Variants in TMEM132C observed in about 807,000 individuals in gnomAD.
TMEM132C encodes protein phosphatase 1, regulatory subunit 152.
In TMEM132C, 29 loss-of-function variants were observed where a neutral mutation model predicts 61.4. The ratio of observed to expected loss-of-function variants is 0.47; its 90% CI spans 0.35 to 0.64. The LOEUF is 0.64. TMEM132C is among the 30% of genes least tolerant of loss of function. TMEM132C has a pLI of 0.00. For missense variants in TMEM132C, 1,408 were observed against 1,476.9 expected, an observed-to-expected ratio of 0.95 and a Z score of 0.76; for synonymous variants, 656 against 633.1, an observed-to-expected ratio of 1.04 and a Z score of -0.54.
At chr12:128,438,013 A>G (rs887745760) in intron 2 of TMEM132C, 2 of 152,158 alleles carry the variant, frequency 1.3e-5, no homozygotes, top group Admixed American at 6.5e-5. Flanking sequence ...ATTATCTTCT[A>G]TGTTCAGGGG....
At chr12:128,693,237 G>A (rs1175491564) in intron 5 of TMEM132C, among the ~76,000 whole-genome samples, 1 of 152,164 alleles carries the variant, frequency 6.6e-6, no homozygotes, top group East Asian at 1.9e-4. Context: ...GGCACTACGG[G>A]CCCTTTGCAT....
At chr12:128,593,218 TTC>T (rs1026785383) in intron 3 of TMEM132C, among the ~76,000 whole-genome samples, 3 of 150,198 alleles carry the variant, frequency 2.0e-5, no homozygotes, top group African/African-American at 7.4e-5. Flanking sequence ...TCTTTCTTTC[TTC>T]TCTCTCTCTT....
At chr12:128,699,887 G>T (rs12829696) in intron 8 of TMEM132C, among the ~76,000 whole-genome samples, 22,991 of 152,182 alleles carry the variant, frequency 0.15, 2,095 homozygotes, top group Middle Eastern at 0.26. Flanking sequence ...TCCTCATCCA[G>T]CCCACAGCAC....
chr12:128,512,959 AG>A (rs1313294208), intron 2 of TMEM132C, among the ~76,000 whole-genome samples: 53 of 152,324 alleles, frequency 3.5e-4, no homozygotes, highest in African/African-American at 1.2e-3. Context: ...GATCTCAGCC[AG>A]GGGGTACAGC....
intron 2 of TMEM132C, among the ~76,000 whole-genome samples, chr12:128,449,105 C>G (rs1188545026): frequency 7.0e-6 from 1 of 141,874 alleles, no homozygotes; most frequent in Non-Finnish European, 1.5e-5. Flanking sequence ...CCACTGTACT[C>G]CAGCCTGGGA....
rs1954056715 is a variant in TMEM132C, at chr12:128,630,459, C to T, written c.1305+14124C>T. Reference sequence around the variant, plus strand: ...AGCTGGCTCCCAGGCTTCATCCAGGCATCTACTCAAATATCCCCTCCTCAC... The same window carrying T: ...AGCTGGCTCCCAGGCTTCATCCAGGTATCTACTCAAATATCCCCTCCTCAC... On this transcript the variant is annotated intron_variant, in intron 4 of 8. Transcript: ENST00000435159. This position sits in a 1 kb window ranked among gnomAD's most constrained non-coding sequence, Gnocchi z 4.3. Among the ~76,000 whole-genome samples the T allele has an allele frequency of 6.6e-6, 1 of 152,190 alleles. No homozygotes were observed. The highest frequency in any genetic ancestry group is 2.4e-5 in the African/African-American group (1 of 41,444).
rs114800029 is a variant in TMEM132C, at chr12:128,547,187, C to T, written c.1121+3084C>T. On this transcript the variant is annotated intron_variant, in intron 3 of 8. Coordinates refer to ENST00000435159, the MANE Select transcript of TMEM132C (RefSeq NM_001136103.3). ...TGCCAGCCAGGAGTGTGTATTCTTG[C>T]TTCAAGGTGAGGGTTGCGCAGTCAA... 3.7e-3 allele frequency among the ~76,000 whole-genome samples: 563 copies of T among 152,286 alleles called. 8 individuals carry two copies. Among genetic ancestry groups the T allele is most frequent in the African/African-American group, 0.013 (543 of 41,560 alleles).
intron 3 of TMEM132C, among the ~76,000 whole-genome samples, chr12:128,567,824 G>A (rs1032189017): frequency 1.3e-5 from 2 of 152,206 alleles, no homozygotes; most frequent in African/African-American, 2.4e-5. Flanking sequence ...AGTCTGATGT[G>A]AAGGTTCTAG....
intron 3 of TMEM132C, among the ~76,000 whole-genome samples, chr12:128,547,453 A>G (rs1461085065): frequency 2.0e-5 from 3 of 150,998 alleles, no homozygotes; most frequent in Non-Finnish European, 4.4e-5. Flanking sequence ...AGTCCCAGCT[A>G]CTCGGGAGGC....
At chr12:128,293,813 C>T (rs1211432542) in intron 1 of TMEM132C, among the ~76,000 whole-genome samples, 1 of 152,214 alleles carries the variant, frequency 6.6e-6, no homozygotes, top group South Asian at 2.1e-4. Context: ...CGCATCGTCT[C>T]TGTCACCTCC....
chr12:128,344,636 A>AT (rs1299909770), intron 1 of TMEM132C, among the ~76,000 whole-genome samples: 1 of 152,176 alleles, frequency 6.6e-6, no homozygotes, highest in African/African-American at 2.4e-5. Flanking sequence ...AACACTTGCT[A>AT]TTGCCCGTCT....
At chr12:128,511,417 G>C (rs1360842778) in intron 2 of TMEM132C, among the ~76,000 whole-genome samples, 1 of 152,222 alleles carries the variant, frequency 6.6e-6, no homozygotes, top group African/African-American at 2.4e-5. Flanking sequence ...AGGTTTGACA[G>C]TTCTCCATAG....
intron 3 of TMEM132C, among the ~76,000 whole-genome samples, chr12:128,595,040 A>C (rs1045040355): frequency 6.6e-6 from 1 of 152,342 alleles, no homozygotes; most frequent in Admixed American, 6.5e-5. Flanking sequence ...GCCGGCCAGC[A>C]TTCCCTTCTT....
intron 1 of TMEM132C, among the ~76,000 whole-genome samples, chr12:128,406,369 T>G (rs1051473076): frequency 3.3e-5 from 5 of 152,234 alleles, no homozygotes; most frequent in African/African-American, 1.2e-4. Flanking sequence ...AAGGGTACCC[T>G]GCTGGATAAA....
At position 128,630,906 on chromosome 12, in the gene TMEM132C, C is replaced by T. The variant is rs1329894020; in HGVS notation, c.1305+14571C>T. On this transcript the variant is annotated intron_variant, in intron 4 of 8. Coordinates refer to ENST00000435159, the MANE Select transcript of TMEM132C (RefSeq NM_001136103.3). The surrounding 1 kb of genome is among the most constrained non-coding windows in gnomAD (Gnocchi z 4.3). ...AATTAGTCGGGCATGGTGGTATGTG[C>T]CTGTATTCCCAGCTACTCAGGAGGC... Among the ~76,000 whole-genome samples the T allele has an allele frequency of 2.0e-5, 3 of 152,084 alleles. No individual in the cohort carries two copies. Among genetic ancestry groups the T allele is most frequent in the African/African-American group, 7.2e-5 (3 of 41,422 alleles).
intron 2 of TMEM132C, among the ~76,000 whole-genome samples, chr12:128,539,066 C>G (rs1231024500): frequency 6.6e-6 from 1 of 152,158 alleles, no homozygotes; most frequent in African/African-American, 2.4e-5. Flanking sequence ...TCAAGGAACA[C>G]TTATTGAACA....
At chr12:128,671,310 C>G (rs572355690) in intron 5 of TMEM132C, among the ~76,000 whole-genome samples, 1 of 152,166 alleles carries the variant, frequency 6.6e-6, no homozygotes, top group East Asian at 1.9e-4. Flanking sequence ...GGAGGAAGAA[C>G]TGCAATTCCT....
At chr12:128,507,294 A>C (rs1272801225) in intron 2 of TMEM132C, among the ~76,000 whole-genome samples, 23 of 151,214 alleles carry the variant, frequency 1.5e-4, no homozygotes, top group Non-Finnish European at 5.9e-5. Flanking sequence ...CCGTGCAGAG[A>C]GGGATGTGAT....
At chr12:128,449,365 C>T (rs768588344) in intron 2 of TMEM132C, among the ~76,000 whole-genome samples, 3 of 152,016 alleles carry the variant, frequency 2.0e-5, no homozygotes, top group South Asian at 2.1e-4. Context: ...TCCTGGTCCC[C>T]GGAGGCGTTT....
Sources: gnomAD v4.1 joint callset for allele counts (sites outside exome capture counted in the v4.1 genomes callset) on GRCh38, gnomAD v4.1.1 for gene constraint, Gnocchi (gnomAD v3.1) non-coding constraint, MANE v1.5 for transcripts, NCBI Gene and HGNC (gene_info 2026-07-23, HGNC 2026-07-21) for gene names.